ZNF385D: variants seen among roughly 807,000 people sequenced by gnomAD.
The protein encoded by ZNF385D is zinc finger protein 385D, also known as zinc finger protein 659.
A neutral mutation model predicts 35.8 loss-of-function variants in ZNF385D; 15 were observed. That is an observed-to-expected ratio of 0.42 (90% CI 0.28 to 0.64). The LOEUF is 0.64. Among genes scored for constraint, ZNF385D ranks in the 30% least tolerant of loss-of-function variants. The pLI is 0.23. For missense variants in ZNF385D, 474 were observed against 494.6 expected (o/e 0.96, Z 0.39); for synonymous variants, 212 against 186.8 (o/e 1.13, Z -1.10).
intron 3 of ZNF385D, among the ~76,000 whole-genome samples, chr3:22,166,615 A>G (rs1294389451): frequency 6.6e-6 from 1 of 152,230 alleles, no homozygotes; most frequent in Non-Finnish European, 1.5e-5. Context: ...TAAAATGTAT[A>G]TAAAGCCTTT....
chr3:22,036,400 T>C (rs1305402049), intron 3 of ZNF385D, among the ~76,000 whole-genome samples: 6 of 151,966 alleles, frequency 3.9e-5, no homozygotes, highest in Non-Finnish European at 7.4e-5. Context: ...AAACATAAAA[T>C]GAATTCAGTA....
intron 3 of ZNF385D, among the ~76,000 whole-genome samples, chr3:21,981,053 A>G (rs1400603108): frequency 6.6e-6 from 1 of 152,122 alleles, no homozygotes; most frequent in Non-Finnish European, 1.5e-5. Context: ...TTTATGGTAG[A>G]ATAATTTCTA....
chr3:22,043,851 T>C (rs1473768928), intron 3 of ZNF385D, among the ~76,000 whole-genome samples: 1 of 152,104 alleles, frequency 6.6e-6, no homozygotes, highest in African/African-American at 2.4e-5. Context: ...ACTTGCATGC[T>C]TGCTTTGATA....
chr3:21,958,350 C>T (rs9821722), intron 3 of ZNF385D, among the ~76,000 whole-genome samples: 103,823 of 151,888 alleles, frequency 0.68, 36,638 homozygotes, highest in Non-Finnish European at 0.77. Flanking sequence ...TATTGCTTTC[C>T]AGTCACAGGA....
intron 2 of ZNF385D, among the ~76,000 whole-genome samples, chr3:22,340,124 A>T (rs1695357422): frequency 6.6e-6 from 1 of 152,228 alleles, no homozygotes; most frequent in Non-Finnish European, 1.5e-5. Context: ...ATAGAACATG[A>T]CCTGCTTGGG....
At chr3:21,698,858 T>C (rs2067566422) in intron 1 of ZNF385D, among the ~76,000 whole-genome samples, 1 of 152,100 alleles carries the variant, frequency 6.6e-6, no homozygotes, top group Non-Finnish European at 1.5e-5. Context: ...CTGGAGAGGC[T>C]GTGGAGAAAT....
intron 1 of ZNF385D, among the ~76,000 whole-genome samples, chr3:21,726,857 T>A (rs865993838): frequency 4.6e-5 from 7 of 152,160 alleles, no homozygotes; most frequent in Non-Finnish European, 7.3e-5. Context: ...AGAGCCCGCA[T>A]AGCCAAGAGA....
intron 3 of ZNF385D, among the ~76,000 whole-genome samples, chr3:22,044,983 A>G (rs984195482): frequency 6.6e-6 from 1 of 152,154 alleles, no homozygotes; most frequent in African/African-American, 2.4e-5. Context: ...ACTGCCCTCC[A>G]GCCTGGGCAA....
chr3:22,298,608 A>G (rs1335178623), intron 2 of ZNF385D, among the ~76,000 whole-genome samples: 1 of 149,222 alleles, frequency 6.7e-6, no homozygotes, highest in Non-Finnish European at 1.5e-5. Flanking sequence ...GCTCCCTCTC[A>G]ACATGTTACA....
At chr3:21,602,966 T>C (rs1319597516) in intron 2 of ZNF385D, among the ~76,000 whole-genome samples, 1 of 152,214 alleles carries the variant, frequency 6.6e-6, no homozygotes, top group Non-Finnish European at 1.5e-5. Context: ...GTTTACTGTT[T>C]AGACAAAACC....
intron 3 of ZNF385D, among the ~76,000 whole-genome samples, chr3:21,528,464 A>G (rs1220579591): frequency 2.0e-5 from 3 of 152,090 alleles, no homozygotes; most frequent in African/African-American, 7.2e-5. Context: ...AAAATTCCTA[A>G]GTGTAGATTT....
chr3:21,774,107 A>C (rs62236244), intron 3 of ZNF385D, among the ~76,000 whole-genome samples: 6,726 of 152,046 alleles, frequency 0.044, 222 homozygotes, highest in African/African-American at 0.089. Flanking sequence ...GAACAAGATA[A>C]TGTCCTTTTC....
chr3:21,787,944 C>CAAAAAAAAA lies in ZNF385D; in HGVS notation c.326-122925_326-122917dup, dbSNP rs560982379. 1.7e-3 allele frequency among the ~76,000 whole-genome samples: 125 copies of CAAAAAAAAA among 75,370 alleles called. 8 individuals carry two copies. The highest frequency in any genetic ancestry group is 2.1e-3 in the Non-Finnish European group (90 of 42,628). 49.4% of individuals were successfully genotyped at this position (75,370 alleles called of 152,430 possible). On this transcript the variant is annotated intron_variant, in intron 3 of 5. Coordinates refer to the ZNF385D transcript ENST00000494108. Reference sequence around the variant, plus strand: ...GCGACAGAGCGAGACTTCGTCTCAACAAAAAAAAAAAAAAAAAAAAAAAAA... The same window carrying CAAAAAAAAA: ...GCGACAGAGCGAGACTTCGTCTCAACAAAAAAAAAAAAAAAAAAAAAAAAAAAAAAAAAA...
intron 3 of ZNF385D, among the ~76,000 whole-genome samples, chr3:22,041,636 T>A (rs1012803431): frequency 6.6e-6 from 1 of 152,156 alleles, no homozygotes; most frequent in Non-Finnish European, 1.5e-5. Context: ...TCAGACTGAA[T>A]TGATCAATGT....
intron 3 of ZNF385D, among the ~76,000 whole-genome samples, chr3:21,515,225 C>G (rs1243288253): frequency 1.3e-5 from 2 of 152,138 alleles, no homozygotes; most frequent in South Asian, 2.1e-4. Context: ...TAAGAAACTT[C>G]TCTATAAATT....
At chr3:21,531,138 T>G (rs2061912409) in intron 3 of ZNF385D, among the ~76,000 whole-genome samples, 2 of 152,184 alleles carry the variant, frequency 1.3e-5, no homozygotes, top group Non-Finnish European at 2.9e-5. Flanking sequence ...CAGATTATGA[T>G]ACTTTTAGGG....
At chr3:22,215,836 T>C (rs1036506829) in intron 2 of ZNF385D, among the ~76,000 whole-genome samples, 9 of 152,044 alleles carry the variant, frequency 5.9e-5, no homozygotes, top group Admixed American at 5.3e-4. Flanking sequence ...CCTGCCGACA[T>C]GTGATGTCTC....
chr3:21,770,611 A>G (rs1185156797), intron 3 of ZNF385D, among the ~76,000 whole-genome samples: 1 of 152,220 alleles, frequency 6.6e-6, no homozygotes, highest in African/African-American at 2.4e-5. Flanking sequence ...GAGGATGTGG[A>G]GAAATAGGGA....
intron 3 of ZNF385D, among the ~76,000 whole-genome samples, chr3:21,769,366 C>T (rs138339805): frequency 0.088 from 10,337 of 117,472 alleles, 781 homozygotes; most frequent in South Asian, 0.18. Flanking sequence ...CTCCTTAAGC[C>T]GATAAGCAAC....
Sources: allele counts gnomAD v4.1 joint callset (sites outside exome capture counted in the v4.1 genomes callset), GRCh38; gene constraint gnomAD v4.1.1; transcripts MANE v1.5; gene names NCBI Gene and HGNC (gene_info 2026-07-23, HGNC 2026-07-21).